The following UBXN7 variants were observed in gnomAD, a reference collection of about 807,000 sequenced individuals.
The protein encoded by UBXN7 is UBX domain-containing protein 7.
UBXN7 carries 9 observed loss-of-function variants against 58.0 expected under a neutral mutation model. The ratio of observed to expected loss-of-function variants is 0.16; its 90% CI spans 0.09 to 0.27. The LOEUF is 0.27. Among genes scored for constraint, UBXN7 ranks in the 10% least tolerant of loss-of-function variants. UBXN7 has a pLI of 1.00. For missense variants in UBXN7, 328 were observed against 599.6 expected (o/e 0.55, Z 4.73); for synonymous variants, 208 against 205.0 (o/e 1.01, Z -0.12).
intron 1 of UBXN7, among the ~76,000 whole-genome samples, chr3:196,419,625 G>A (rs1730618285): frequency 6.6e-6 from 1 of 152,180 alleles, no homozygotes; most frequent in African/African-American, 2.4e-5. Context: ...GGTTCCAGTG[G>A]TTCTTAGTGT....
intron 5 of UBXN7, among the ~76,000 whole-genome samples, chr3:196,386,751 T>C (rs1051380514): frequency 5.3e-5 from 8 of 152,126 alleles, no homozygotes; most frequent in Non-Finnish European, 8.8e-5. Context: ...TGCTCATGGA[T>C]AGGAAGAATC....
intron 8 of UBXN7, among the ~76,000 whole-genome samples, chr3:196,363,225 T>C (rs1273866210): frequency 1.7e-5 from 2 of 120,286 alleles, no homozygotes; most frequent in African/African-American, 5.8e-5. Context: ...CATACATACA[T>C]ACATACATAC....
chr3:196,392,373 A>T (rs1251622180), intron 4 of UBXN7, among the ~76,000 whole-genome samples: 2 of 150,816 alleles, frequency 1.3e-5, no homozygotes, highest in Non-Finnish European at 2.9e-5. Flanking sequence ...GGCATGGTGG[A>T]GCATGCCTGT....
At chr3:196,431,118 T>C (rs1731030982) in intron 1 of UBXN7, among the ~76,000 whole-genome samples, 1 of 152,120 alleles carries the variant, frequency 6.6e-6, no homozygotes, top group Admixed American at 6.6e-5. Context: ...GTTAAAACAA[T>C]ATAAAATTTT....
intron 1 of UBXN7, among the ~76,000 whole-genome samples, chr3:196,422,544 C>T (rs1730720801): frequency 6.6e-6 from 1 of 151,686 alleles, no homozygotes; most frequent in African/African-American, 2.4e-5. Context: ...ACAACTGGAA[C>T]TCTCTTTTAT....
intron 1 of UBXN7, among the ~76,000 whole-genome samples, chr3:196,412,095 G>A (rs1351705399): frequency 1.3e-5 from 2 of 151,700 alleles, no homozygotes; most frequent in South Asian, 2.1e-4. Flanking sequence ...CAGGCGTGGT[G>A]GCAGGTGCCT....
chr3:196,397,355 T>C (rs1347913869), intron 3 of UBXN7, among the ~76,000 whole-genome samples: 1 of 152,236 alleles, frequency 6.6e-6, no homozygotes, highest in Non-Finnish European at 1.5e-5. Context: ...CTGTTCGTAT[T>C]TGGCTTCAGA....
At chr3:196,369,899 G>A (rs1019041114) in intron 6 of UBXN7, among the ~76,000 whole-genome samples, 12 of 152,126 alleles carry the variant, frequency 7.9e-5, no homozygotes, top group Admixed American at 7.2e-4. Context: ...TTAGGAGGCC[G>A]AGGCGAGTGG....
chr3:196,431,384 A>G (rs78045859), intron 1 of UBXN7: 10,912 of 152,390 alleles, frequency 0.072, 515 homozygotes, highest in Middle Eastern at 0.1. Flanking sequence ...CAGCACCATC[A>G]GAGAGAAACA....
intron 8 of UBXN7, among the ~76,000 whole-genome samples, chr3:196,364,191 C>T (rs1436008365): frequency 6.6e-6 from 1 of 152,100 alleles, no homozygotes; most frequent in Non-Finnish European, 1.5e-5. Context: ...ACAGATTTTA[C>T]TAAACTTAAT....
At chr3:196,384,702 CAT>C (rs770504898) in intron 5 of UBXN7, among the ~76,000 whole-genome samples, 10 of 152,280 alleles carry the variant, frequency 6.6e-5, no homozygotes, top group East Asian at 5.8e-4. Flanking sequence ...ACAAAAACCA[CAT>C]GATTATCTCA....
chr3:196,429,312 G>A (rs1238867088), intron 1 of UBXN7, among the ~76,000 whole-genome samples: 1 of 150,748 alleles, frequency 6.6e-6, no homozygotes, highest in African/African-American at 2.4e-5. Context: ...GGGTGACAGA[G>A]CGAGACTCCG....
In UBXN7 at chr3:196,362,639, T is replaced by C; in HGVS notation, c.883A>G (p.Arg295Gly). The C allele has an allele frequency of 6.2e-7, 1 of 1,613,014 alleles. No individual in the cohort carries two copies. The highest frequency in any genetic ancestry group is 8.5e-7 in the Non-Finnish European group (1 of 1,178,990). The change falls in exon 9 of 11, where the codon AGA becomes GGA. Residue 295 changes from arginine (R) to glycine (G), a missense_variant. By Grantham distance (125) the Arg-to-Gly change is moderately radical. Around this residue, in one of 4 missense-constraint regions of UBXN7, gnomAD observed 126 missense variants for 302.6 expected, o/e 0.42. Transcript: ENST00000296328. ...SEDSQLEAAIRASLQETHFDS... is the reference protein window; with the variant it reads ...SEDSQLEAAIGASLQETHFDS... ...AAATGTGTTTCTTGTAAGGAGGCTC[T>C]GATGGCAGCTTCTAGCTGGCTGTCT...
At chr3:196,426,826 C>T (rs1178818017) in intron 1 of UBXN7, among the ~76,000 whole-genome samples, 1 of 151,212 alleles carries the variant, frequency 6.6e-6, no homozygotes, top group African/African-American at 2.4e-5. Flanking sequence ...CCAGCCTGGG[C>T]CACAGAGTGA....
At chr3:196,363,089 T>A (rs905003352) in intron 8 of UBXN7, among the ~76,000 whole-genome samples, 1 of 151,624 alleles carries the variant, frequency 6.6e-6, no homozygotes, top group Non-Finnish European at 1.5e-5. Context: ...TTATTTATTT[T>A]TTTGTATTTT....
intron 5 of UBXN7, among the ~76,000 whole-genome samples, chr3:196,386,982 C>A (rs910244630): frequency 6.6e-6 from 1 of 152,090 alleles, no homozygotes; most frequent in Non-Finnish European, 1.5e-5. Flanking sequence ...CTACAGTAAC[C>A]AAAACAGCAT....
At chr3:196,426,267 T>A (rs1730845535) in intron 1 of UBXN7, among the ~76,000 whole-genome samples, 1 of 151,136 alleles carries the variant, frequency 6.6e-6, no homozygotes, top group Non-Finnish European at 1.5e-5. Flanking sequence ...GCATCTGTGG[T>A]CCCAGCTGCT....
intron 1 of UBXN7, among the ~76,000 whole-genome samples, chr3:196,411,797 T>C (rs1455073519): frequency 1.3e-5 from 2 of 151,548 alleles, no homozygotes; most frequent in African/African-American, 2.4e-5. Flanking sequence ...GGCACAAGAG[T>C]GAGACTTCGT....
At chr3:196,374,083 C>G (rs576053808) in intron 5 of UBXN7, among the ~76,000 whole-genome samples, 7 of 152,120 alleles carry the variant, frequency 4.6e-5, no homozygotes, top group Non-Finnish European at 1.0e-4. Flanking sequence ...AATAATTAAG[C>G]TGCTTTAACT....
Sources: allele counts gnomAD v4.1 joint callset (sites outside exome capture counted in the v4.1 genomes callset), GRCh38; gene constraint gnomAD v4.1.1; regional missense constraint gnomAD v4.1.1; transcripts MANE v1.5; gene names NCBI Gene and HGNC (gene_info 2026-07-23, HGNC 2026-07-21).